Variants in ZDHHC9 observed in about 807,000 individuals in gnomAD.
ZDHHC9 encodes the protein palmitoyltransferase ZDHHC9.
Under a neutral mutation model 26.6 loss-of-function variants are expected in ZDHHC9, and 3 were observed. That is an observed-to-expected ratio of 0.11 (90% CI 0.05 to 0.29). The LOEUF (loss-of-function observed/expected upper bound fraction) is 0.29. ZDHHC9 is among the 10% of genes least tolerant of loss of function. The pLI, the probability that ZDHHC9 is intolerant of heterozygous loss-of-function variation, is 1.00. For synonymous variants in ZDHHC9, 111 were observed against 109.4 expected, an observed-to-expected ratio of 1.01 and a Z score of -0.09; for missense variants, 146 against 296.4, an observed-to-expected ratio of 0.49 and a Z score of 3.73.
Position 129,841,903 on chromosome X carries a change from C to T in ZDHHC9, c.43G>A (p.Glu15Lys). 8.3e-7 allele frequency: 1 copy of T among 1,211,761 alleles called. No homozygotes were observed. Among genetic ancestry groups the T allele is most frequent in the Non-Finnish European group, 1.1e-6 (1 of 895,506 alleles). Residue 15 changes from glutamate to lysine, a missense_variant, in exon 3 of 11, where the codon GAG becomes AAG. By Grantham distance (56) the Glu-to-Lys change is moderately conservative (BLOSUM62 1). Coordinates refer to ENST00000357166, the MANE Select transcript of ZDHHC9 (RefSeq NM_016032.4). ...AAGGTGTTCCTGCCTGGGAGTTTCT[C>T]CCATTTCCGTGTCACCTTCTTTCTC... ...VVRKKVTRKW[E>K]KLPGRNTFCC... is the part of the protein sequence containing the mutation.
chrX:129,826,788 T>C (rs2064832354), intron 4 of ZDHHC9, among the ~76,000 whole-genome samples: 1 of 111,235 alleles, frequency 9.0e-6, no homozygotes, highest in African/African-American at 3.3e-5. Flanking sequence ...CAAATAGTTA[T>C]AGCTCACATG....
At chrX:129,838,792 T>C (rs765549681) in intron 3 of ZDHHC9, among the ~76,000 whole-genome samples, 43 of 112,594 alleles carry the variant, frequency 3.8e-4, no homozygotes, top group Admixed American at 1.2e-3. Flanking sequence ...ATGTGTCCAC[T>C]GAAAATTACA....
chrX:129,821,584 C>G (rs1277203022), intron 5 of ZDHHC9, among the ~76,000 whole-genome samples: 1 of 108,440 alleles, frequency 9.2e-6, no homozygotes, highest in Non-Finnish European at 1.9e-5. Context: ...AGCCACCGCG[C>G]CTGGCCAGAC....
chrX:129,810,521 T>A (rs1927615197), intron 10 of ZDHHC9, among the ~76,000 whole-genome samples: 1 of 111,829 alleles, frequency 8.9e-6, no homozygotes, highest in South Asian at 3.7e-4. Flanking sequence ...TACAATCCCC[T>A]GACCTCTGTC....
chrX:129,843,328 T>C lies in ZDHHC9; in HGVS notation c.-203-2A>G, dbSNP rs939165909. ...GGAGACCAGGAAGGGGGAGCCGGCCTGGAAGAACAAAGATCAAAATCCGTC... is the reference window on the plus strand; with the variant it reads ...GGAGACCAGGAAGGGGGAGCCGGCCCGGAAGAACAAAGATCAAAATCCGTC... On this transcript the variant is annotated splice_acceptor_variant, in intron 1 of 10. Coordinates refer to ENST00000357166, the MANE Select transcript of ZDHHC9 (RefSeq NM_016032.4). LOFTEE classifies it low-confidence loss of function (5UTR_SPLICE). 1 of 112,028 alleles carries C rather than the reference T, an allele frequency of 8.9e-6. No homozygotes were observed. The highest frequency in any genetic ancestry group is 1.9e-5 in the Non-Finnish European group (1 of 52,925). 9.2% of individuals were successfully genotyped at this position (112,028 alleles called of 1,213,427 possible). A position where few individuals can be genotyped will look rare whatever the true frequency, so the allele number is the denominator to read the frequency against.
chrX:129,838,281 T>A (rs1273786888), intron 3 of ZDHHC9, among the ~76,000 whole-genome samples: 1 of 111,985 alleles, frequency 8.9e-6, no homozygotes, highest in Admixed American at 9.5e-5. Context: ...TTATACAGAA[T>A]TTCAGGTTCT....
intron 5 of ZDHHC9, among the ~76,000 whole-genome samples, chrX:129,822,665 T>C (rs985066230): frequency 9.0e-6 from 1 of 111,414 alleles, no homozygotes; most frequent in African/African-American, 3.3e-5. Context: ...AAAAATCTTA[T>C]ATACATATAG....
intron 4 of ZDHHC9, among the ~76,000 whole-genome samples, chrX:129,827,642 G>A (rs1270514808): frequency 4.5e-5 from 5 of 110,302 alleles, no homozygotes; most frequent in Non-Finnish European, 9.5e-5. Flanking sequence ...CTGGCTCCTA[G>A]ATAATGTAGC....
chrX:129,808,573 C>G (rs967930132), intron 10 of ZDHHC9, among the ~76,000 whole-genome samples: 1 of 111,530 alleles, frequency 9.0e-6, no homozygotes, highest in African/African-American at 3.3e-5. Context: ...CAAAATGGAT[C>G]AAAAACCTAA....
At chrX:129,828,400 A>C (rs1259574690) in intron 4 of ZDHHC9, among the ~76,000 whole-genome samples, 1 of 109,708 alleles carries the variant, frequency 9.1e-6, no homozygotes, top group African/African-American at 3.3e-5. Context: ...AGGCGGGCGG[A>C]TCACAAGGTC....
chrX:129,829,959 G>T (rs1477543244), intron 3 of ZDHHC9, among the ~76,000 whole-genome samples: 1 of 111,402 alleles, frequency 9.0e-6, no homozygotes, highest in Non-Finnish European at 1.9e-5. Context: ...ACTGCACTAA[G>T]CTCTTCATCT....
At chrX:129,811,028 G>T in intron 9 of ZDHHC9, 27 bp from the exon 10 acceptor site, 1 of 1,164,432 alleles carries the variant, frequency 8.6e-7, no homozygotes, top group Non-Finnish European at 1.2e-6. Context: ...AGTTAACAAA[G>T]AACTGGGCAT....
At chrX:129,807,428 G>A (rs1336689959) in intron 10 of ZDHHC9, among the ~76,000 whole-genome samples, 2 of 102,081 alleles carry the variant, frequency 2.0e-5, no homozygotes, top group East Asian at 6.1e-4. Flanking sequence ...AGTCCGGCCT[G>A]GGCGACAGAG....
Position 129,812,747 on chromosome X carries a change from C to T in ZDHHC9, c.748G>A (p.Val250Met), listed in dbSNP as rs1927671070. 1 of 1,210,574 alleles carries T rather than the reference C, an allele frequency of 8.3e-7. No individual in the cohort carries two copies. The highest frequency in any genetic ancestry group is 1.8e-5 in the South Asian group (1 of 56,970). ...VGLTGFHTFL[V>M]ALNQTTNEDI... ...TCATTGGTTGTCTGGTTGAGAGCCA[C>T]GAGGAAAGTATGAAATCCAGTCAGT... is the stretch of plus-strand genomic sequence containing the variant. Residue 250 changes from valine to methionine, a missense_variant, in exon 8 of 11, where the codon GTG becomes ATG. By Grantham distance (21) the Val-to-Met change is conservative. Transcript: ENST00000357166.
intron 5 of ZDHHC9, among the ~76,000 whole-genome samples, chrX:129,816,565 A>G (rs1231688076): frequency 1.8e-5 from 2 of 112,070 alleles, no homozygotes; most frequent in Non-Finnish European, 3.8e-5. Flanking sequence ...AATACCATAA[A>G]ACCTATATTT....
intron 5 of ZDHHC9, chrX:129,823,041 T>A (rs997588215): frequency 8.8e-5 from 10 of 113,980 alleles, no homozygotes; most frequent in African/African-American, 3.2e-4. Context: ...GACACACATA[T>A]ACCTGACCCT....
Position 129,806,257 on chromosome X carries a change from G to A in ZDHHC9, c.*113C>T. 1.4e-6 allele frequency: 1 copy of A among 712,496 alleles called. No homozygotes were observed. Among genetic ancestry groups the A allele is most frequent in the South Asian group, 2.1e-5 (1 of 47,075 alleles). The allele number at this position is 712,496 out of a possible 1,213,427, so 58.7% of individuals were successfully genotyped here. A position where few individuals can be genotyped will look rare whatever the true frequency, so the allele number is the denominator to read the frequency against. ...TGCAACTGGGTGACTAAAGACCAAA[G>A]AAAAACAGTTAAAAGGGACAGCTTA... On this transcript the variant is annotated 3_prime_UTR_variant, in exon 11 of 11. Coordinates refer to ENST00000357166, the MANE Select transcript of ZDHHC9 (RefSeq NM_016032.4).
At chrX:129,832,777 C>T (rs754351864) in intron 3 of ZDHHC9, among the ~76,000 whole-genome samples, 1 of 83,632 alleles carries the variant, frequency 1.2e-5, no homozygotes, top group Non-Finnish European at 1.9e-5. Context: ...TGCAAGACTC[C>T]GTCTCAAAAA....
chrX:129,819,192 A>G (rs1927827335), intron 5 of ZDHHC9, among the ~76,000 whole-genome samples: 1 of 108,121 alleles, frequency 9.2e-6, no homozygotes, highest in African/African-American at 3.4e-5. Flanking sequence ...AAAAAAAAAA[A>G]AAAAAGAATA....
Sources: gnomAD v4.1 joint callset for allele counts (sites outside exome capture counted in the v4.1 genomes callset) on GRCh38, gnomAD v4.1.1 for gene constraint, MANE v1.5 for transcripts, NCBI Gene and HGNC (gene_info 2026-07-23, HGNC 2026-07-21) for gene names.